The following NFASC variants were observed in gnomAD, a reference collection of about 807,000 sequenced individuals.
NFASC encodes neurofascin.
NFASC carries 43 observed loss-of-function variants against 147.5 expected under a neutral mutation model. The ratio of observed to expected loss-of-function variants is 0.29; its 90% confidence interval spans 0.23 to 0.38. NFASC has a LOEUF of 0.38. NFASC is among the 10% of genes least tolerant of loss of function. The probability of loss-of-function intolerance (pLI) is 1.00; values close to 1 mark genes in which losing one functional copy is unlikely to be tolerated. For missense variants in NFASC, 1,320 were observed against 1,689.0 expected (o/e 0.78, Z 3.83); for synonymous variants, 622 against 665.5 (o/e 0.93, Z 1.01).
Position 204,918,833 on chromosome 1 carries a change from A to G in NFASC, c.-199-1799A>G, listed in dbSNP as rs1376911116. 4.6e-5 allele frequency among the ~76,000 whole-genome samples: 7 copies of G among 152,132 alleles called. No homozygotes were observed. In the East Asian group the frequency reaches 9.7e-4, roughly 21 times the overall value. On this transcript the variant is annotated intron_variant, in intron 1 of 29. Transcript: ENST00000339876. ...ACTCCTGACCTCAAGTGATCTGCCA[A>G]CCTTGGCCTCCCAAAGTGCTGGGAT... is the stretch of plus-strand genomic sequence containing the variant.
At chr1:204,897,685 C>T (rs1160384262) in intron 1 of NFASC, among the ~76,000 whole-genome samples, 2 of 150,516 alleles carry the variant, frequency 1.3e-5, no homozygotes, top group East Asian at 2.0e-4. Flanking sequence ...GTGATTCTTC[C>T]ACCTCAGCCT....
intron 11 of NFASC, among the ~76,000 whole-genome samples, chr1:204,971,585 A>T (rs12063938): frequency 0.065 from 9,820 of 152,206 alleles, 862 homozygotes; most frequent in African/African-American, 0.2. Context: ...ATTTAGACAT[A>T]TATTGTATGC....
At chr1:204,932,998 A>T (rs943424761) in intron 2 of NFASC, among the ~76,000 whole-genome samples, 1 of 152,194 alleles carries the variant, frequency 6.6e-6, no homozygotes, top group Non-Finnish European at 1.5e-5. Context: ...GTGCTACAGC[A>T]TGCAGTTAAA....
intron 2 of NFASC, among the ~76,000 whole-genome samples, chr1:204,926,406 A>ATTTTTTTTT (rs1202294421): frequency 6.4e-4 from 9 of 14,098 alleles, no homozygotes; most frequent in Non-Finnish European, 1.5e-3. Context: ...ATATATATAT[A>ATTTTTTTTT]TTTTTTTTTT....
intron 1 of NFASC, among the ~76,000 whole-genome samples, chr1:204,899,184 A>G (rs1296803869): frequency 2.6e-5 from 4 of 152,212 alleles, no homozygotes; most frequent in South Asian, 2.1e-4. Flanking sequence ...CGCTGGCTCC[A>G]TGCAGCCATC....
chr1:204,829,605 C>G (rs1188590453), intron 1 of NFASC, among the ~76,000 whole-genome samples: 1 of 152,122 alleles, frequency 6.6e-6, no homozygotes, highest in Non-Finnish European at 1.5e-5. Context: ...TCTTATGTTC[C>G]TCTCCAGCCA....
chr1:204,885,156 G>T (rs2081068176), intron 1 of NFASC, among the ~76,000 whole-genome samples: 1 of 152,084 alleles, frequency 6.6e-6, no homozygotes, highest in Non-Finnish European at 1.5e-5. Flanking sequence ...TGAAAAAGAT[G>T]ATTTTAAAGA....
In NFASC at chr1:204,982,019, T is replaced by C; in HGVS notation, c.2469T>C (p.Asp823=). 1.9e-6 allele frequency: 3 copies of C among 1,552,770 alleles called. No individual in the cohort carries two copies. Among genetic ancestry groups the C allele is most frequent in the Non-Finnish European group, 1.7e-6 (2 of 1,147,002 alleles). ...PESVIGYSGE[D]LPSAPRRFRV... is the part of the protein sequence containing the mutation. ...CCGTCATCGGTTACTCCGGAGAAGA[T>C]TGTGAGTAGTCTCCTCCCCGTCCCC... Residue 823 remains aspartate (D), a splice_region_variant and synonymous_variant, in exon 21 of 30, where the codon GAT becomes GAC. Transcript: ENST00000339876.
chr1:204,944,315 G>C lies in NFASC; in HGVS notation c.-1G>C. The C allele has an allele frequency of 1.9e-6, 3 of 1,613,376 alleles. No individual in the cohort carries two copies. Among genetic ancestry groups the C allele is most frequent in the Non-Finnish European group, 2.5e-6 (3 of 1,179,802 alleles). ...GCAGGGAGCAGGGCCAGGTGCCGAG[G>C]ATGGCCAGGCAGCCACCGCCGCCCT... On this transcript the variant is annotated 5_prime_UTR_variant, in exon 3 of 30. Transcript: ENST00000339876.
chr1:204,890,337 G>A (rs911964511), intron 1 of NFASC, among the ~76,000 whole-genome samples: 3 of 152,172 alleles, frequency 2.0e-5, no homozygotes, highest in Non-Finnish European at 4.4e-5. Context: ...TGTGATTGAG[G>A]GATCCAGACG....
rs1363432812 is a variant in NFASC, at chr1:204,974,209, A to T, written c.1310A>T (p.Asn437Ile). Residue 437 changes from asparagine to isoleucine, a missense_variant, in exon 13 of 30, where the codon AAC becomes ATC. Transcript: ENST00000339876. ...CCGCCTCGGATGCTGTCGCCCCGGA[A>T]CCAGCTCATTCGAGTGATTCTTTAC... ...DVPPRMLSPR[N>I]QLIRVILYNR... 1.2e-6 allele frequency: 2 copies of T among 1,613,934 alleles called. No individual in the cohort carries two copies. The highest frequency in any genetic ancestry group is 2.7e-5 in the African/African-American group (2 of 74,898).
At chr1:204,920,453 A>G (rs2090220473) in intron 1 of NFASC, among the ~76,000 whole-genome samples, 179 bp from the exon 2 acceptor site, 1 of 133,108 alleles carries the variant, frequency 7.5e-6, no homozygotes, top group Admixed American at 8.2e-5. Context: ...TTTTTCTTCC[A>G]GAGTGCTTTG....
At chr1:205,013,053 C>G (rs1242204244) in intron 29 of NFASC, among the ~76,000 whole-genome samples, 187 bp downstream of exon 29, 1 of 152,234 alleles carries the variant, frequency 6.6e-6, no homozygotes, top group Non-Finnish European at 1.5e-5. Flanking sequence ...TACTCAGAGG[C>G]TTCTCATCCT....
At chr1:204,982,106 T>A in intron 21 of NFASC, 86 bp downstream of exon 21, 1 of 903,718 alleles carries the variant, frequency 1.1e-6, no homozygotes, top group Non-Finnish European at 1.6e-6. Context: ...AACCTTGGGG[T>A]GGGTATGGGA....
At chr1:204,963,848 A>G (rs1466694106) in intron 8 of NFASC, among the ~76,000 whole-genome samples, 1 of 152,248 alleles carries the variant, frequency 6.6e-6, no homozygotes, top group Non-Finnish European at 1.5e-5. Flanking sequence ...CTGGACAGAG[A>G]GACTTGATGA....
chr1:204,954,142 GC>G lies in NFASC; in HGVS notation c.216-43del. The G allele has an allele frequency of 1.9e-6, 3 of 1,569,198 alleles. No individual in the cohort carries two copies. The highest frequency in any genetic ancestry group is 1.8e-6 in the Non-Finnish European group (2 of 1,140,306). ...ATCTGAGATCTGCCTGGAGCCCAGA[GC>G]CCACCCCATTCGTCTTGGTTGCCAC... On this transcript the variant is annotated intron_variant, in intron 5 of 29. Coordinates refer to ENST00000339876, the MANE Select transcript of NFASC (RefSeq NM_001005388.3). The surrounding 1 kb of genome is among the most constrained non-coding windows in gnomAD (Gnocchi z 5.7).
In NFASC at chr1:204,986,107, G is replaced by T; in HGVS notation, c.2471-1311G>T. 6.2e-7 allele frequency: 1 copy of T among 1,613,130 alleles called. No homozygotes were observed. On this transcript the variant is annotated intron_variant, in intron 21 of 29. Transcript: ENST00000339876. This position sits in a 1 kb window ranked among gnomAD's most constrained non-coding sequence, Gnocchi z 4.2. ...GTGAGACCAAGGAGTTCACCACCCC[G>T]GAAGGAGGTAGGTCTGGCCTGCAGC...
intron 3 of NFASC, chr1:204,947,149 A>C (rs2093801767): frequency 3.6e-6 from 1 of 276,884 alleles, no homozygotes; most frequent in East Asian, 8.8e-5. Context: ...GGTCCTCAAG[A>C]CCCATGGGCT....
intron 2 of NFASC, among the ~76,000 whole-genome samples, chr1:204,938,515 G>A (rs571186480): frequency 3.9e-5 from 6 of 152,266 alleles, no homozygotes; most frequent in African/African-American, 1.4e-4. Context: ...CCAAGCTTCA[G>A]TGCTTGCCCA....
Sources: allele counts gnomAD v4.1 joint callset (sites outside exome capture counted in the v4.1 genomes callset), GRCh38; gene constraint gnomAD v4.1.1; non-coding constraint Gnocchi (gnomAD v3.1); transcripts MANE v1.5; gene names NCBI Gene and HGNC (gene_info 2026-07-23, HGNC 2026-07-21).